Variants in GNE observed in about 807,000 individuals in gnomAD.
GNE encodes the protein glucosamine (UDP-N-acetyl)-2-epimerase/N-acetylmannosamine kinase, also known as bifunctional UDP-N-acetylglucosamine 2-epimerase/N-acetylmannosamine kinase.
GNE carries 41 observed loss-of-function variants against 61.8 expected under a neutral mutation model. That is an observed-to-expected ratio of 0.66 (90% CI 0.52 to 0.86). GNE has a LOEUF of 0.86. GNE is among the 40% of genes least tolerant of loss of function. The probability of loss-of-function intolerance (pLI) is 0.00; values close to 1 mark genes in which losing one functional copy is unlikely to be tolerated. For synonymous variants in GNE, 264 were observed against 326.4 expected (o/e 0.81, Z 2.06); for missense variants, 608 against 909.1 (o/e 0.67, Z 4.26).
At chr9:36,245,939 T>TC in intron 3 of GNE, 92 bp downstream of exon 3, 1 of 1,007,700 alleles carries the variant, frequency 9.9e-7, no homozygotes, top group Non-Finnish European at 1.5e-6. Context: ...AACAGAGTAT[T>TC]CTATCCATAA....
intron 3 of GNE, among the ~76,000 whole-genome samples, chr9:36,241,139 A>G (rs1829614696): frequency 6.6e-6 from 1 of 150,674 alleles, no homozygotes; most frequent in South Asian, 2.1e-4. Flanking sequence ...TTTTTAAGAC[A>G]GAGTCTCACT....
chr9:36,248,254 C>CT (rs35150538), intron 2 of GNE, among the ~76,000 whole-genome samples: 1 of 151,482 alleles, frequency 6.6e-6, no homozygotes, highest in Non-Finnish European at 1.5e-5. Flanking sequence ...CACTAAATGA[C>CT]TTTTTATTAC....
intron 7 of GNE, among the ~76,000 whole-genome samples, chr9:36,224,659 C>G (rs1828772642): frequency 6.6e-6 from 1 of 151,990 alleles, no homozygotes. Context: ...ACTTTGACCT[C>G]AGGAGTTCAA....
At chr9:36,259,699 C>T (rs142224583), upstream of GNE, among the ~76,000 whole-genome samples, 16 of 152,278 alleles carry the variant, frequency 1.1e-4, no homozygotes, top group East Asian at 1.5e-3. Context: ...CCCACTCTAT[C>T]GCCCAGGCTG....
chr9:36,247,463 T>G (rs1413357900), intron 2 of GNE, among the ~76,000 whole-genome samples: 7 of 152,232 alleles, frequency 4.6e-5, no homozygotes, highest in Admixed American at 2.6e-4. Context: ...TGTTAGAATG[T>G]ACCTTAAACA....
intron 3 of GNE, 41 bp from the exon 4 acceptor site, chr9:36,237,025 G>T: frequency 6.5e-7 from 1 of 1,531,828 alleles, no homozygotes; most frequent in Non-Finnish European, 9.0e-7. Flanking sequence ...CATTAGTTAA[G>T]AATCTTAAAA....
chr9:36,239,627 C>T (rs1157685137), intron 3 of GNE, among the ~76,000 whole-genome samples: 1 of 152,050 alleles, frequency 6.6e-6, no homozygotes, highest in Non-Finnish European at 1.5e-5. Context: ...TGCACATCAC[C>T]ATGCCCAGCT....
Position 36,220,591 on chromosome 9 carries a change from C to A in GNE, c.1634-571G>T, listed in dbSNP as rs1337264687. ...GCTCTGTTTCATTCTTCCCACTCAC[C>A]CTCCTGCTTCTTGTGGTCACCTCCA... On this transcript the variant is annotated intron_variant, in intron 9 of 11. Transcript: ENST00000642385. Among the ~76,000 whole-genome samples, 4 of 152,148 alleles carry A rather than the reference C, an allele frequency of 2.6e-5. No individual in the cohort carries two copies. In the South Asian group the frequency reaches 8.3e-4, roughly 31 times the overall value.
intron 1 of GNE, among the ~76,000 whole-genome samples, chr9:36,271,775 C>A (rs1300607926): frequency 6.6e-6 from 1 of 151,954 alleles, no homozygotes; most frequent in East Asian, 1.9e-4. Context: ...ATAAGGAACC[C>A]GAGAAAAATC....
intron 1 of GNE, among the ~76,000 whole-genome samples, chr9:36,276,646 A>C (rs1017830517): frequency 2.6e-5 from 4 of 152,342 alleles, no homozygotes; most frequent in African/African-American, 9.6e-5. Flanking sequence ...TCTGGAGAAA[A>C]GAGTTCAATT....
intron 1 of GNE, among the ~76,000 whole-genome samples, chr9:36,267,530 C>CT (rs1830850229): frequency 6.6e-6 from 1 of 151,990 alleles, no homozygotes; most frequent in Non-Finnish European, 1.5e-5. Context: ...AACCCCATCT[C>CT]TACTAAAATA....
At chr9:36,261,545 TCC>T (rs1830617439), upstream of GNE, among the ~76,000 whole-genome samples, 6 of 127,690 alleles carry the variant, frequency 4.7e-5, no homozygotes, top group African/African-American at 1.9e-4. Flanking sequence ...AGAGTGAGAC[TCC>T]GTCTCAAAAA....
intron 1 of GNE, among the ~76,000 whole-genome samples, chr9:36,270,765 C>G (rs1324516515): frequency 6.6e-6 from 1 of 152,112 alleles, no homozygotes; most frequent in Non-Finnish European, 1.5e-5. Context: ...GATCCGCCCA[C>G]CTCAGCCTCC....
At chr9:36,265,499 G>A (rs1830745269) in intron 1 of GNE, 3 of 456,506 alleles carry the variant, frequency 6.6e-6, no homozygotes, top group Non-Finnish European at 1.3e-5. Flanking sequence ...AAATCAACAA[G>A]AGGTGGAATA....
chr9:36,260,868 C>CAAA (rs745821430), upstream of GNE, among the ~76,000 whole-genome samples: 1,217 of 95,874 alleles, frequency 0.013, 36 homozygotes, highest in East Asian at 0.04. Context: ...GACTCTATCT[C>CAAA]AAAAAAAAAA....
intron 2 of GNE, 88 bp from the exon 3 acceptor site, chr9:36,246,570 G>T: frequency 1.3e-6 from 1 of 795,644 alleles, no homozygotes; most frequent in Non-Finnish European, 2.1e-6. Flanking sequence ...CACCAACTCT[G>T]AAGTGAGAAA....
At chr9:36,274,786 G>C (rs1419710255) in intron 1 of GNE, among the ~76,000 whole-genome samples, 1 of 150,946 alleles carries the variant, frequency 6.6e-6, no homozygotes, top group Admixed American at 6.6e-5. Context: ...GCCGTGGCGC[G>C]ATCTCTGTTC....
chr9:36,238,123 T>TACACACACAC lies in GNE; in HGVS notation c.617-1149_617-1140dup, dbSNP rs201513947. On this transcript the variant is annotated intron_variant, in intron 3 of 11. Coordinates refer to ENST00000642385, the MANE Select transcript of GNE (RefSeq NM_005476.7). ...GTAGATATAAATAGATATATATAGA[T>TACACACACAC]ACACACACACACACACACACACATA... Among the ~76,000 whole-genome samples the TACACACACAC allele has an allele frequency of 1.5e-4, 19 of 129,094 alleles. No individual in the cohort carries two copies. In the South Asian group the frequency reaches 2.2e-3, roughly 15 times the overall value. 84.7% of individuals were successfully genotyped at this position (129,094 alleles called of 152,430 possible). A position where few individuals can be genotyped will look rare whatever the true frequency, so the allele number is the denominator to read the frequency against.
In GNE at chr9:36,216,497, G is replaced by A. The variant is rs966828179; in HGVS notation, c.*868C>T. On this transcript the variant is annotated 3_prime_UTR_variant, in exon 12 of 12. Transcript: ENST00000642385. Reference sequence around the variant, plus strand: ...ACTACAGGCACATGCCACCACGCCCGGCTAATTTTTGTATTTTAGTAGAGA... The same window carrying A: ...ACTACAGGCACATGCCACCACGCCCAGCTAATTTTTGTATTTTAGTAGAGA... 1.3e-4 allele frequency: 32 copies of A among 242,942 alleles called. No individual in the cohort carries two copies. The highest frequency in any genetic ancestry group is 3.4e-3 in the Middle Eastern group (2 of 586). The allele number at this position is 242,942 out of a possible 1,614,324, so 15.0% of individuals were successfully genotyped here. A position where few individuals can be genotyped will look rare whatever the true frequency, so the allele number is the denominator to read the frequency against.
Sources: gnomAD v4.1 joint callset for allele counts (sites outside exome capture counted in the v4.1 genomes callset) on GRCh38, gnomAD v4.1.1 for gene constraint, MANE v1.5 for transcripts, NCBI Gene and HGNC (gene_info 2026-07-23, HGNC 2026-07-21) for gene names.